SAMD12: variants seen among roughly 807,000 people sequenced by gnomAD.
The protein encoded by SAMD12 is sterile alpha motif domain-containing protein 12.
SAMD12 carries 9 observed loss-of-function variants against 15.0 expected under a neutral mutation model. The observed-to-expected ratio is 0.60, with a 90% CI of 0.36 to 1.05. The LOEUF is 1.05. Among genes scored for constraint, SAMD12 ranks in the 50% least tolerant of loss-of-function variants. The pLI, the probability that SAMD12 is intolerant of heterozygous loss-of-function variation, is 0.01. For missense variants in SAMD12, 230 were observed against 234.2 expected (o/e 0.98, Z 0.12); for synonymous variants, 86 against 90.1 (o/e 0.96, Z 0.25).
At chr8:118,218,650 A>G (rs1023959328) in intron 4 of SAMD12, among the ~76,000 whole-genome samples, 16 of 151,568 alleles carry the variant, frequency 1.1e-4, no homozygotes, top group Non-Finnish European at 1.9e-4. Context: ...GGCTTATTTC[A>G]CTTAGCATAA....
the SAMD12 span, among the ~76,000 whole-genome samples, chr8:118,173,073 A>G: frequency 3.9e-5 from 6 of 152,222 alleles, no homozygotes; most frequent in African/African-American, 1.4e-4. Flanking sequence ...TGTCCCTTGC[A>G]TAAGATAGGA....
the SAMD12 span, among the ~76,000 whole-genome samples, chr8:118,165,032 G>A: frequency 6.7e-6 from 1 of 150,108 alleles, no homozygotes; most frequent in Non-Finnish European, 1.5e-5. Flanking sequence ...ATTCTCTGCA[G>A]ACAGCAAGGG....
At chr8:118,386,590 T>C (rs1819975215) in intron 3 of SAMD12, among the ~76,000 whole-genome samples, 1 of 152,220 alleles carries the variant, frequency 6.6e-6, no homozygotes, top group Admixed American at 6.5e-5. Flanking sequence ...AGTTTCTGAC[T>C]ACGGCACAGG....
At chr8:118,493,561 T>C (rs1471722959) in intron 2 of SAMD12, among the ~76,000 whole-genome samples, 1 of 152,196 alleles carries the variant, frequency 6.6e-6, no homozygotes, top group African/African-American at 2.4e-5. Flanking sequence ...TCCAGAGCAA[T>C]AAGGACTTTG....
Position 118,552,637 on chromosome 8 carries a change from C to G in SAMD12, c.192+28078G>C, listed in dbSNP as rs1299253395. ...AACTGGCACAAGACAGGGATGCCCT[C>G]TCTCACCACTCCTATTCAATGTAGT... On this transcript the variant is annotated intron_variant, in intron 2 of 3. Coordinates refer to ENST00000314727, the MANE Select transcript of SAMD12 (RefSeq NM_207506.3). Among the ~76,000 whole-genome samples the G allele has an allele frequency of 5.9e-5, 9 of 152,280 alleles. No homozygotes were observed. The South Asian group carries it at 1.9e-3, about 32-fold the overall frequency.
In SAMD12 at chr8:118,413,017, A is replaced by G. The variant is rs542205036; in HGVS notation, c.322+26815T>C. ...TCTCTGGCACCTCCACACCATTGCT[A>G]TGAGAAGGTATACCTGGGCCGGTCT... is the stretch of plus-strand genomic sequence containing the variant. On this transcript the variant is annotated intron_variant, in intron 3 of 3. Transcript: ENST00000314727. Among the ~76,000 whole-genome samples, 4 of 152,204 alleles carry G rather than the reference A, an allele frequency of 2.6e-5. No homozygotes were observed. The South Asian group carries it at 8.3e-4, about 32-fold the overall frequency.
intron 4 of SAMD12, among the ~76,000 whole-genome samples, chr8:118,356,541 T>C (rs1055299614): frequency 1.3e-5 from 2 of 152,150 alleles, no homozygotes; most frequent in Non-Finnish European, 2.9e-5. Context: ...CTTTCAGCTC[T>C]CTTACTTGAT....
chr8:118,419,943 T>C (rs946759148), intron 3 of SAMD12, among the ~76,000 whole-genome samples: 1 of 152,206 alleles, frequency 6.6e-6, no homozygotes, highest in Non-Finnish European at 1.5e-5. Context: ...GCTGAAAATT[T>C]AATGAATTGC....
At chr8:118,358,064 G>C (rs554864302) in intron 4 of SAMD12, among the ~76,000 whole-genome samples, 34 of 152,290 alleles carry the variant, frequency 2.2e-4, no homozygotes, top group Non-Finnish European at 4.1e-4. Flanking sequence ...AGGATTGCTT[G>C]AGCCCAGGAG....
chr8:118,427,867 T>C (rs979594345), intron 3 of SAMD12, among the ~76,000 whole-genome samples: 1 of 152,224 alleles, frequency 6.6e-6, no homozygotes, highest in Admixed American at 6.5e-5. Flanking sequence ...TCAAATCAGG[T>C]GACTCCATAT....
chr8:118,248,102 G>A (rs1303568441), intron 4 of SAMD12, among the ~76,000 whole-genome samples: 1 of 152,104 alleles, frequency 6.6e-6, no homozygotes, highest in Non-Finnish European at 1.5e-5. Flanking sequence ...TAAAGACACT[G>A]CAGAAAGGGA....
chr8:118,378,349 G>A lies in SAMD12; in HGVS notation c.*1068C>T, dbSNP rs1819492646. ...TCGTATTTCTATCTACTTCTTAAAA[G>A]AAGCTTAAAAGCCTATCAGTATTTC... is the stretch of plus-strand genomic sequence containing the variant. On this transcript the variant is annotated 3_prime_UTR_variant, in exon 4 of 4. Coordinates refer to ENST00000314727, the MANE Select transcript of SAMD12 (RefSeq NM_207506.3). 1 of 917,320 alleles carries A rather than the reference G, an allele frequency of 1.1e-6. No individual in the cohort carries two copies. Among genetic ancestry groups the A allele is most frequent in the Non-Finnish European group, 1.3e-6 (1 of 768,122 alleles). The allele number at this position is 917,320 out of a possible 1,614,324, so 56.8% of individuals were successfully genotyped here. A position where few individuals can be genotyped will look rare whatever the true frequency, so the allele number is the denominator to read the frequency against.
At chr8:118,437,697 A>G (rs1822615604) in intron 3 of SAMD12, among the ~76,000 whole-genome samples, 1 of 152,182 alleles carries the variant, frequency 6.6e-6, no homozygotes, top group East Asian at 1.9e-4. Context: ...CATGAAGACC[A>G]AGTCTGCCAC....
chr8:118,367,626 A>G (rs1382188104), intron 4 of SAMD12, among the ~76,000 whole-genome samples: 4 of 152,190 alleles, frequency 2.6e-5, no homozygotes, highest in African/African-American at 4.8e-5. Context: ...TGGTCAATGC[A>G]TTTGAGGTTG....
chr8:118,210,402 T>G (rs916599804), intron 4 of SAMD12, among the ~76,000 whole-genome samples: 6 of 152,152 alleles, frequency 3.9e-5, no homozygotes, highest in Non-Finnish European at 7.4e-5. Flanking sequence ...GGAAGTGTAG[T>G]CTGCATCACA....
chr8:118,243,884 G>T (rs908583522), intron 4 of SAMD12, among the ~76,000 whole-genome samples: 12 of 152,122 alleles, frequency 7.9e-5, no homozygotes, highest in Non-Finnish European at 1.3e-4. Flanking sequence ...TGAAGAGAGA[G>T]AAAATGGCAC....
At chr8:118,318,489 T>C (rs1247667985) in intron 4 of SAMD12, among the ~76,000 whole-genome samples, 1 of 151,688 alleles carries the variant, frequency 6.6e-6, no homozygotes, top group Non-Finnish European at 1.5e-5. Context: ...TACCCATATG[T>C]TCTCACTTGT....
chr8:118,529,686 C>T (rs552967297), intron 2 of SAMD12, among the ~76,000 whole-genome samples: 4 of 152,286 alleles, frequency 2.6e-5, no homozygotes, highest in African/African-American at 9.6e-5. Context: ...TAGACTATGG[C>T]TTCCAGTTCC....
chr8:118,174,051 G>T, the SAMD12 span, among the ~76,000 whole-genome samples: 17 of 152,204 alleles, frequency 1.1e-4, no homozygotes, highest in Non-Finnish European at 2.1e-4. Flanking sequence ...AGTCAGTACA[G>T]TTCAAATCTT....
Sources: gnomAD v4.1 joint callset for allele counts (sites outside exome capture counted in the v4.1 genomes callset) on GRCh38, gnomAD v4.1.1 for gene constraint, MANE v1.5 for transcripts, NCBI Gene and HGNC (gene_info 2026-07-23, HGNC 2026-07-21) for gene names.